The following TSC22D1 variants were observed in gnomAD, a reference collection of about 807,000 sequenced individuals.
The protein encoded by TSC22D1 is TSC22 domain family member 1.
In TSC22D1, 9 loss-of-function variants were observed where a neutral mutation model predicts 74.2. The ratio of observed to expected loss-of-function variants is 0.12; its 90% CI spans 0.07 to 0.21. TSC22D1 has a LOEUF of 0.21. TSC22D1 is among the 10% of genes least tolerant of loss of function. The probability of loss-of-function intolerance (pLI) is 1.00; values close to 1 mark genes in which losing one functional copy is unlikely to be tolerated. For missense variants in TSC22D1, 1,427 were observed against 1,304.7 expected (o/e 1.09, Z -1.44); for synonymous variants, 586 against 492.5 (o/e 1.19, Z -2.51).
chr13:44,436,448 ATT>A, intron 1 of TSC22D1: 2 of 1,580,846 alleles, frequency 1.3e-6, no homozygotes, highest in East Asian at 4.5e-5. Context: ...TTTCACCTGT[ATT>A]ATTATAAGTA....
intron 1 of TSC22D1, among the ~76,000 whole-genome samples, chr13:44,442,862 T>C (rs1279186674): frequency 3.4e-5 from 5 of 147,460 alleles, no homozygotes; most frequent in African/African-American, 1.3e-4. Context: ...TGAGCCGAGA[T>C]TGCGCCACTG....
chr13:44,554,782 G>A lies in TSC22D1; in HGVS notation c.2912+18381C>T, dbSNP rs182818112. Among the ~76,000 whole-genome samples, 262 of 151,990 alleles carry A rather than the reference G, an allele frequency of 1.7e-3. 1 individual carries two copies. The highest frequency in any genetic ancestry group is 6.1e-3 in the African/African-American group (252 of 41,474). ...CAATGAGGACACAGTGACCCTGACC[G>A]CAAACTGCACCAAATGTTTACCAAA... is the stretch of plus-strand genomic sequence containing the variant. On this transcript the variant is annotated intron_variant, in intron 1 of 2. Transcript: ENST00000458659.
intron 1 of TSC22D1, among the ~76,000 whole-genome samples, chr13:44,477,788 G>A (rs538100038): frequency 6.6e-5 from 10 of 151,862 alleles, no homozygotes; most frequent in African/African-American, 1.2e-4. Flanking sequence ...GCTTACAGGC[G>A]GGTGCCACCA....
At chr13:44,441,421 T>C (rs979368534) in intron 1 of TSC22D1, among the ~76,000 whole-genome samples, 6 of 152,224 alleles carry the variant, frequency 3.9e-5, no homozygotes, top group African/African-American at 1.4e-4. Flanking sequence ...TCATAAAATA[T>C]ACATGACCCA....
At chr13:44,466,459 G>A (rs988381653) in intron 1 of TSC22D1, among the ~76,000 whole-genome samples, 1 of 152,168 alleles carries the variant, frequency 6.6e-6, no homozygotes. Context: ...AGTCACAGGA[G>A]GGGATATTTT....
chr13:44,466,671 G>C (rs965699748), intron 1 of TSC22D1, among the ~76,000 whole-genome samples: 1 of 152,022 alleles, frequency 6.6e-6, no homozygotes, highest in Non-Finnish European at 1.5e-5. Flanking sequence ...TTGGGAGGCT[G>C]AGATAGGAGA....
rs1595071158 is a variant in TSC22D1, at chr13:44,433,965, C to T, written c.*661G>A. The stretch of plus-strand genomic sequence containing the variant: ...TCCTCTATTGTACAAAATAGTTACA[C>T]TACATACACAAATATACAATAAGCA... On this transcript the variant is annotated 3_prime_UTR_variant, in exon 3 of 3. Transcript: ENST00000458659. 1 of 1,532,130 alleles carries T rather than the reference C, an allele frequency of 6.5e-7. No homozygotes were observed. Among genetic ancestry groups the T allele is most frequent in the Admixed American group, 2.0e-5 (1 of 49,878 alleles). 94.9% of individuals were successfully genotyped at this position (1,532,130 alleles called of 1,614,324 possible). A position where few individuals can be genotyped will look rare whatever the true frequency, so the allele number is the denominator to read the frequency against.
intron 1 of TSC22D1, among the ~76,000 whole-genome samples, chr13:44,544,543 T>TAA (rs749524284): frequency 1.3e-4 from 17 of 131,780 alleles, no homozygotes; most frequent in African/African-American, 2.8e-4. Flanking sequence ...TTTTTTTAAT[T>TAA]AAAAAAAAAA....
At chr13:44,471,318 A>C (rs571899738) in intron 1 of TSC22D1, among the ~76,000 whole-genome samples, 1 of 152,360 alleles carries the variant, frequency 6.6e-6, no homozygotes, top group East Asian at 1.9e-4. Flanking sequence ...GTTTGAAATG[A>C]AATTATTTCT....
intron 1 of TSC22D1, among the ~76,000 whole-genome samples, chr13:44,535,180 A>G (rs1881071569): frequency 6.6e-6 from 1 of 152,158 alleles, no homozygotes; most frequent in Admixed American, 6.5e-5. Flanking sequence ...AGTTTACATT[A>G]TAATCCAAAC....
chr13:44,516,894 G>A (rs1414683097), intron 1 of TSC22D1, among the ~76,000 whole-genome samples: 1 of 152,182 alleles, frequency 6.6e-6, no homozygotes, highest in East Asian at 1.9e-4. Flanking sequence ...ATAAGATGGA[G>A]GAAGAAAGGG....
intron 1 of TSC22D1, among the ~76,000 whole-genome samples, chr13:44,499,826 T>A (rs1879142387): frequency 6.6e-6 from 1 of 152,104 alleles, no homozygotes; most frequent in Non-Finnish European, 1.5e-5. Flanking sequence ...GTGGCTCACA[T>A]GTGTAATCAC....
chr13:44,496,362 CCTGT>C (rs1315496807), intron 1 of TSC22D1, among the ~76,000 whole-genome samples: 2 of 151,762 alleles, frequency 1.3e-5, no homozygotes, highest in Non-Finnish European at 2.9e-5. Flanking sequence ...ATAGGGAGAC[CCTGT>C]CTCCACAAAA....
chr13:44,530,275 G>A (rs900047913), intron 1 of TSC22D1, among the ~76,000 whole-genome samples: 3 of 152,080 alleles, frequency 2.0e-5, no homozygotes, highest in Non-Finnish European at 4.4e-5. Context: ...TTTGAAAAGA[G>A]AGCAAAGGCA....
At chr13:44,480,935 A>G (rs188292810) in intron 1 of TSC22D1, among the ~76,000 whole-genome samples, 366 of 152,320 alleles carry the variant, frequency 2.4e-3, no homozygotes, top group African/African-American at 8.3e-3. Flanking sequence ...GAGCGGCTGA[A>G]TTGGGTTCCA....
intron 1 of TSC22D1, among the ~76,000 whole-genome samples, chr13:44,514,965 C>T (rs1466690890): frequency 6.6e-6 from 1 of 152,008 alleles, no homozygotes; most frequent in East Asian, 1.9e-4. Context: ...AAGCAAAAAT[C>T]CAGATGTTTA....
chr13:44,569,411 G>GA (rs887966505), intron 1 of TSC22D1, among the ~76,000 whole-genome samples: 2 of 151,952 alleles, frequency 1.3e-5, no homozygotes, highest in African/African-American at 4.8e-5. Flanking sequence ...TTGTTTCTAG[G>GA]AAAGGAAAAC....
At chr13:44,442,105 G>T (rs1875252925) in intron 1 of TSC22D1, among the ~76,000 whole-genome samples, 1 of 152,186 alleles carries the variant, frequency 6.6e-6, no homozygotes, top group Non-Finnish European at 1.5e-5. Flanking sequence ...TAATTTAAGG[G>T]AAAAATGAGT....
At chr13:44,519,546 GAC>G (rs1354970313) in intron 1 of TSC22D1, among the ~76,000 whole-genome samples, 1 of 152,072 alleles carries the variant, frequency 6.6e-6, no homozygotes, top group South Asian at 2.1e-4. Flanking sequence ...GGGCAAAAGA[GAC>G]AGCCAAAAAG....
Sources: gnomAD v4.1 joint callset for allele counts (sites outside exome capture counted in the v4.1 genomes callset) on GRCh38, gnomAD v4.1.1 for gene constraint, MANE v1.5 for transcripts, NCBI Gene and HGNC (gene_info 2026-07-23, HGNC 2026-07-21) for gene names.